The following SPPL3 variants were observed in gnomAD, a reference collection of about 807,000 sequenced individuals.
SPPL3 encodes the protein signal peptide peptidase-like 3.
SPPL3 carries 5 observed loss-of-function variants against 42.4 expected under a neutral mutation model. That is an observed-to-expected ratio of 0.12 (90% CI 0.06 to 0.25). The LOEUF (loss-of-function observed/expected upper bound fraction) is 0.25, where lower values mean the gene tolerates loss of function less well. Among genes scored for constraint, SPPL3 ranks in the 10% least tolerant of loss-of-function variants. The pLI, the probability that SPPL3 is intolerant of heterozygous loss-of-function variation, is 1.00. For synonymous variants in SPPL3, 195 were observed against 181.8 expected (o/e 1.07, Z -0.58); for missense variants, 235 against 489.0 (o/e 0.48, Z 4.90).
intron 1 of SPPL3, among the ~76,000 whole-genome samples, chr12:120,831,327 T>C (rs11065285): frequency 0.036 from 5,473 of 152,222 alleles, 116 homozygotes; most frequent in South Asian, 0.066. Flanking sequence ...ACATCATATA[T>C]ACCCTATTGG....
Position 120,781,555 on chromosome 12 carries a change from G to GTGTTTTTTTTTTTTTTTTT in SPPL3, c.502+1099_502+1100insAAAAAAAAAAAAAAAAACA, listed in dbSNP as rs1869541007. On this transcript the variant is annotated intron_variant, in intron 6 of 10. Coordinates refer to ENST00000353487, the MANE Select transcript of SPPL3 (RefSeq NM_139015.5). ...TCTAATCCCATCTCCTTATTGTTACGTTTTTTTTTTTTTTTTTTTTTTTTT... is the reference window on the plus strand; with the variant it reads ...TCTAATCCCATCTCCTTATTGTTACGTGTTTTTTTTTTTTTTTTTTTTTTTTTTTTTTTTTTTTTTTTTT... Among the ~76,000 whole-genome samples, 6 of 63,008 alleles carry GTGTTTTTTTTTTTTTTTTT rather than the reference G, an allele frequency of 9.5e-5. 2 individuals are homozygous for GTGTTTTTTTTTTTTTTTTT. The highest frequency in any genetic ancestry group is 2.0e-4 in the African/African-American group (3 of 14,642). 41.3% of individuals were successfully genotyped at this position (63,008 alleles called of 152,430 possible). A position where few individuals can be genotyped will look rare whatever the true frequency, so the allele number is the denominator to read the frequency against.
intron 1 of SPPL3, among the ~76,000 whole-genome samples, chr12:120,816,881 A>G (rs141521103): frequency 1.3e-4 from 20 of 152,280 alleles, no homozygotes; most frequent in African/African-American, 4.8e-4. Context: ...CTGTAATTAT[A>G]CAGTAATTAG....
chr12:120,799,934 T>C (rs1269168323), intron 2 of SPPL3, among the ~76,000 whole-genome samples: 2 of 152,196 alleles, frequency 1.3e-5, no homozygotes, highest in Non-Finnish European at 1.5e-5. Flanking sequence ...TGCAAAAGAC[T>C]CTGCCTCCAA....
chr12:120,772,033 G>GT lies in SPPL3; in HGVS notation c.503-2975dup, dbSNP rs954297863. 7.2e-5 allele frequency among the ~76,000 whole-genome samples: 11 copies of GT among 151,780 alleles called. No homozygotes were observed. In the Middle Eastern group the frequency reaches 0.01, roughly 141 times the overall value. On this transcript the variant is annotated intron_variant, in intron 6 of 10. Coordinates refer to ENST00000353487, the MANE Select transcript of SPPL3 (RefSeq NM_139015.5). ...AGTCAGTTGCTGCTGCTCTTTTTTT[G>GT]TTTTTTTGAGACAGAGTTTTGCTCG...
intron 2 of SPPL3, among the ~76,000 whole-genome samples, chr12:120,804,358 A>C (rs1870421398): frequency 6.6e-6 from 1 of 152,118 alleles, no homozygotes; most frequent in Admixed American, 6.6e-5. Context: ...TATAACAAAA[A>C]CCCATTTTCA....
chr12:120,859,842 C>T (rs1287079378), intron 1 of SPPL3, among the ~76,000 whole-genome samples: 1 of 152,126 alleles, frequency 6.6e-6, no homozygotes, highest in African/African-American at 2.4e-5. Flanking sequence ...ACTCGGGAGG[C>T]TGAGGCAGGA....
chr12:120,896,743 C>A (rs1392345346), intron 1 of SPPL3, among the ~76,000 whole-genome samples: 1 of 151,558 alleles, frequency 6.6e-6, no homozygotes, highest in African/African-American at 2.4e-5. Flanking sequence ...CGCACCACTA[C>A]ACTCTAGACT....
At chr12:120,885,849 CTTTTTTTT>C (rs142907503) in intron 1 of SPPL3, among the ~76,000 whole-genome samples, 151 of 121,596 alleles carry the variant, frequency 1.2e-3, no homozygotes, top group African/African-American at 4.4e-3. Flanking sequence ...AACATTAAAA[CTTTTTTTT>C]TTTTTTTTTT....
At chr12:120,777,071 C>T (rs1490986583) in intron 6 of SPPL3, among the ~76,000 whole-genome samples, 1 of 152,120 alleles carries the variant, frequency 6.6e-6, no homozygotes, top group Admixed American at 6.6e-5. Flanking sequence ...TTTAAAGACA[C>T]CATCATAAAA....
intron 1 of SPPL3, among the ~76,000 whole-genome samples, chr12:120,896,261 G>A (rs1151860): frequency 0.9 from 137,171 of 152,170 alleles, 62,690 homozygotes; most frequent in East Asian, 1. Flanking sequence ...ACAACAATGA[G>A]GTGGAGCTGT....
chr12:120,777,897 G>A (rs1295794742), intron 6 of SPPL3, among the ~76,000 whole-genome samples: 1 of 152,044 alleles, frequency 6.6e-6, no homozygotes, highest in Non-Finnish European at 1.5e-5. Context: ...GACGGGCACG[G>A]GTGATTTTGA....
chr12:120,870,587 G>C (rs1252959917), intron 1 of SPPL3, among the ~76,000 whole-genome samples: 1 of 152,130 alleles, frequency 6.6e-6, no homozygotes, highest in Non-Finnish European at 1.5e-5. Flanking sequence ...CCCATGCCCA[G>C]TGATGAAAGA....
At chr12:120,765,542 T>C (rs1469092094) in intron 10 of SPPL3, among the ~76,000 whole-genome samples, 1 of 152,102 alleles carries the variant, frequency 6.6e-6, no homozygotes, top group Non-Finnish European at 1.5e-5. Flanking sequence ...CCTCCCAAGG[T>C]GCGGGGGTTA....
At chr12:120,886,242 T>C (rs1873457668) in intron 1 of SPPL3, among the ~76,000 whole-genome samples, 1 of 152,174 alleles carries the variant, frequency 6.6e-6, no homozygotes. Context: ...TGAAATCTCC[T>C]TGTCTCTAAA....
At chr12:120,872,871 A>C (rs748774325) in intron 1 of SPPL3, among the ~76,000 whole-genome samples, 1 of 152,234 alleles carries the variant, frequency 6.6e-6, no homozygotes, top group Non-Finnish European at 1.5e-5. Context: ...AAACTGATCC[A>C]AACATTACTT....
intron 1 of SPPL3, among the ~76,000 whole-genome samples, chr12:120,884,792 T>TG (rs920563810): frequency 7.0e-6 from 1 of 143,402 alleles, no homozygotes; most frequent in African/African-American, 2.5e-5. Context: ...AGAGTTTTTT[T>TG]GGGTTTTTTT....
chr12:120,849,685 T>A (rs1298153717), intron 1 of SPPL3, among the ~76,000 whole-genome samples: 1 of 152,208 alleles, frequency 6.6e-6, no homozygotes, highest in Non-Finnish European at 1.5e-5. Flanking sequence ...TGAGGAAGCT[T>A]GACTAGTGCA....
intron 2 of SPPL3, among the ~76,000 whole-genome samples, chr12:120,807,741 A>G (rs1419502705): frequency 6.6e-6 from 1 of 152,090 alleles, no homozygotes; most frequent in African/African-American, 2.4e-5. Flanking sequence ...CAGCAGGAAA[A>G]AAACAAAAAC....
At chr12:120,894,262 T>G (rs1203954030) in intron 1 of SPPL3, among the ~76,000 whole-genome samples, 1 of 152,152 alleles carries the variant, frequency 6.6e-6, no homozygotes, top group African/African-American at 2.4e-5. Context: ...AGGCAGAGGT[T>G]GCGGTGAGCC....
Sources: gnomAD v4.1 joint callset for allele counts (sites outside exome capture counted in the v4.1 genomes callset) on GRCh38, gnomAD v4.1.1 for gene constraint, MANE v1.5 for transcripts, NCBI Gene and HGNC (gene_info 2026-07-23, HGNC 2026-07-21) for gene names.